TRNP1: variants seen among roughly 807,000 people sequenced by gnomAD.
TRNP1 encodes TMF1 regulated nuclear protein 1, also known as TMF-regulated nuclear protein 1.
Under a neutral mutation model 12.2 loss-of-function variants are expected in TRNP1, and 16 were observed. The observed-to-expected ratio is 1.31, with a 90% confidence interval of 0.89 to 1.99. The LOEUF is 1.99. Among genes scored for constraint, TRNP1 ranks in the 30% most tolerant of loss-of-function variants. The probability of loss-of-function intolerance (pLI) is 0.00; values close to 1 mark genes in which losing one functional copy is unlikely to be tolerated. For missense variants in TRNP1, 338 were observed against 330.4 expected (o/e 1.02, Z -0.18); for synonymous variants, 139 against 166.2 (o/e 0.84, Z 1.26).
Position 26,993,965 on chromosome 1 carries a change from C to G in TRNP1, c.179C>G (p.Ala60Gly). 1 of 1,327,298 alleles carries G rather than the reference C, an allele frequency of 7.5e-7. No homozygotes were observed. The highest frequency in any genetic ancestry group is 2.0e-5 in the South Asian group (1 of 50,272). The allele number at this position is 1,327,298 out of a possible 1,614,324, so 82.2% of individuals were successfully genotyped here. A position where few individuals can be genotyped will look rare whatever the true frequency, so the allele number is the denominator to read the frequency against. Residue 60 changes from alanine (A) to glycine (G), a missense_variant, in exon 1 of 2, where the codon GCT becomes GGT. Physicochemically the swap from Ala to Gly is moderately conservative, Grantham distance 60. Transcript: ENST00000522111. Reference protein sequence around the residue: ...QSPPLPDAAGASAGAAEDQEL... With the variant: ...QSPPLPDAAGGSAGAAEDQEL... ...CCGCCGCTGCCGGACGCAGCTGGGG[C>G]TTCAGCAGGCGCGGCCGAGGACCAG... is the stretch of plus-strand genomic sequence containing the variant.
chr1:26,995,064 C>G (rs544584898), intron 1 of TRNP1, among the ~76,000 whole-genome samples: 7 of 152,246 alleles, frequency 4.6e-5, no homozygotes, highest in Non-Finnish European at 8.8e-5. Context: ...ACTGAATTCC[C>G]CCTCTAGGCC....
At chr1:26,997,907 C>T (rs891247917) in intron 1 of TRNP1, among the ~76,000 whole-genome samples, 3 of 152,114 alleles carry the variant, frequency 2.0e-5, no homozygotes, top group East Asian at 1.9e-4. Context: ...ATCCCTTTGC[C>T]CGGTAGTCCC....
Position 26,994,169 on chromosome 1 carries a change from T to C in TRNP1, c.383T>C (p.Leu128Pro). The stretch of plus-strand genomic sequence containing the variant: ...GTGTCGGAGCTGGAGAGCCGCGTGC[T>C]GCAGCTGCACCGCGTTTTCTTGGCG... ...RLVSELESRV[L>P]QLHRVFLAAE... is the part of the protein sequence containing the mutation. The change falls in exon 1 of 2, where the codon CTG becomes CCG. Residue 128 changes from leucine to proline, a missense_variant. Coordinates refer to ENST00000522111, the MANE Select transcript of TRNP1 (RefSeq NM_001013642.3). The surrounding 1 kb of genome is among the most constrained non-coding windows in gnomAD (Gnocchi z 6.9). The C allele has an allele frequency of 2.3e-6, 3 of 1,296,238 alleles. No homozygotes were observed. The highest frequency in any genetic ancestry group is 2.9e-6 in the Non-Finnish European group (3 of 1,017,216). The allele number at this position is 1,296,238 out of a possible 1,614,324, so 80.3% of individuals were successfully genotyped here. A position where few individuals can be genotyped will look rare whatever the true frequency, so the allele number is the denominator to read the frequency against.
intron 1 of TRNP1, among the ~76,000 whole-genome samples, chr1:26,998,624 C>G (rs558825262): frequency 1.0e-3 from 154 of 152,292 alleles, no homozygotes; most frequent in Middle Eastern, 3.4e-3. Flanking sequence ...CAACCTACTT[C>G]TTCCCCCATT....
At chr1:26,998,002 A>G (rs746876906) in intron 1 of TRNP1, among the ~76,000 whole-genome samples, 3 of 152,116 alleles carry the variant, frequency 2.0e-5, no homozygotes, top group Admixed American at 6.6e-5. Flanking sequence ...GTGGGAGTGT[A>G]GTTCTGGGGA....
At chr1:26,995,808 T>C (rs2082542438) in intron 1 of TRNP1, among the ~76,000 whole-genome samples, 1 of 152,216 alleles carries the variant, frequency 6.6e-6, no homozygotes, top group Admixed American at 6.5e-5. Context: ...TTTTGTATTT[T>C]TGGTAGAGAC....
At chr1:26,996,791 A>AGT (rs3028532) in intron 1 of TRNP1, among the ~76,000 whole-genome samples, 26,149 of 150,776 alleles carry the variant, frequency 0.17, 3,269 homozygotes, top group African/African-American at 0.36. Context: ...GACACTGGCT[A>AGT]GTGTGTGTGT....
intron 1 of TRNP1, among the ~76,000 whole-genome samples, chr1:26,998,863 T>A (rs2082558940): frequency 6.6e-6 from 1 of 152,142 alleles, no homozygotes; most frequent in South Asian, 2.1e-4. Context: ...GAGCTATAAG[T>A]GAGGGATCTC....
intron 1 of TRNP1, among the ~76,000 whole-genome samples, chr1:26,999,299 G>A (rs543198532): frequency 6.6e-6 from 1 of 152,292 alleles, no homozygotes; most frequent in South Asian, 2.1e-4. Context: ...CAGGAGAATC[G>A]CTTGAACCTG....
intron 1 of TRNP1, among the ~76,000 whole-genome samples, chr1:26,998,083 C>T (rs1193879557): frequency 6.6e-6 from 1 of 152,036 alleles, no homozygotes; most frequent in Non-Finnish European, 1.5e-5. Flanking sequence ...GGCGGGAACC[C>T]TCTTTGAAAG....
chr1:26,998,904 A>T (rs888359188), intron 1 of TRNP1, among the ~76,000 whole-genome samples: 1 of 152,226 alleles, frequency 6.6e-6, no homozygotes, highest in Non-Finnish European at 1.5e-5. Flanking sequence ...TGATTCATTT[A>T]TCAGGCTAAA....
Position 26,993,761 on chromosome 1 carries a change from C to G in TRNP1, c.-26C>G. Reference sequence around the variant, plus strand: ...GTCATCCTCCCTGCGCACCTACAGCCGCAGACCGCCGGTGGGGGGCGGGGG... The same window carrying G: ...GTCATCCTCCCTGCGCACCTACAGCGGCAGACCGCCGGTGGGGGGCGGGGG... On this transcript the variant is annotated 5_prime_UTR_variant, in exon 1 of 2. Coordinates refer to ENST00000522111, the MANE Select transcript of TRNP1 (RefSeq NM_001013642.3). The G allele has an allele frequency of 2.3e-6, 3 of 1,282,198 alleles. No homozygotes were observed. The highest frequency in any genetic ancestry group is 2.9e-6 in the Non-Finnish European group (3 of 1,018,432). 79.4% of individuals were successfully genotyped at this position (1,282,198 alleles called of 1,614,324 possible). A position where few individuals can be genotyped will look rare whatever the true frequency, so the allele number is the denominator to read the frequency against.
Position 26,993,769 on chromosome 1 carries a change from G to A in TRNP1, c.-18G>A. ...CCCTGCGCACCTACAGCCGCAGACC[G>A]CCGGTGGGGGGCGGGGGATGCCGGG... On this transcript the variant is annotated 5_prime_UTR_variant, in exon 1 of 2. Transcript: ENST00000522111. The A allele has an allele frequency of 1.5e-6, 2 of 1,291,968 alleles. No individual in the cohort carries two copies. The highest frequency in any genetic ancestry group is 9.8e-7 in the Non-Finnish European group (1 of 1,020,696). The allele number at this position is 1,291,968 out of a possible 1,614,324, so 80.0% of individuals were successfully genotyped here.
At chr1:26,998,766 A>G (rs1265556441) in intron 1 of TRNP1, among the ~76,000 whole-genome samples, 1 of 152,146 alleles carries the variant, frequency 6.6e-6, no homozygotes, top group Non-Finnish European at 1.5e-5. Flanking sequence ...GGTTCTCCCA[A>G]CCACTCTGCA....
In TRNP1 at chr1:26,994,328, C is replaced by A; in HGVS notation, c.542C>A (p.Pro181His). The A allele has an allele frequency of 9.1e-7, 1 of 1,104,916 alleles. No individual in the cohort carries two copies. Among genetic ancestry groups the A allele is most frequent in the Non-Finnish European group, 1.1e-6 (1 of 907,860 alleles). The allele number at this position is 1,104,916 out of a possible 1,614,324, so 68.4% of individuals were successfully genotyped here. A position where few individuals can be genotyped will look rare whatever the true frequency, so the allele number is the denominator to read the frequency against. The change falls in exon 1 of 2, where the codon CCC (proline) becomes CAC (histidine). Residue 181 changes from proline to histidine, a missense_variant. Pro to His is a moderately conservative substitution (Grantham distance 77). Transcript: ENST00000522111. This position sits in a 1 kb window ranked among gnomAD's most constrained non-coding sequence, Gnocchi z 6.9. ...KGPRRGRRGR[P>H]PALLASALGL... ...CCGCGCCGCGGCCGCCGCGGCCGAC[C>A]CCCCGCGCTGCTGGCCTCGGCGCTG...
chr1:26,998,794 C>A (rs766873171), intron 1 of TRNP1, among the ~76,000 whole-genome samples: 1 of 152,188 alleles, frequency 6.6e-6, no homozygotes, highest in Non-Finnish European at 1.5e-5. Context: ...GGTTATTATT[C>A]CCATTTCCAC....
At position 26,994,131 on chromosome 1, in the gene TRNP1, C is replaced by T. The variant is rs1344892788; in HGVS notation, c.345C>T (p.Gly115=). 2 of 1,238,020 alleles carry T rather than the reference C, an allele frequency of 1.6e-6. No homozygotes were observed. The highest frequency in any genetic ancestry group is 2.0e-6 in the Non-Finnish European group (2 of 988,594). The allele number at this position is 1,238,020 out of a possible 1,614,324, so 76.7% of individuals were successfully genotyped here. A position where few individuals can be genotyped will look rare whatever the true frequency, so the allele number is the denominator to read the frequency against. The change falls in exon 1 of 2, where the codon GGC becomes GGT. Residue 115 remains glycine (G), a synonymous_variant. Transcript: ENST00000522111. This position sits in a 1 kb window ranked among gnomAD's most constrained non-coding sequence, Gnocchi z 6.9. ...GGCGGCGGCTGCTGGAGGTGGAGGG[C>T]CGCCGGCGCCTGGTGTCGGAGCTGG... ...EARRRLLEVE[G]RRRLVSELES...
Position 26,993,805 on chromosome 1 carries a change from A to T in TRNP1, c.19A>T (p.Ser7Cys). ...GCGGGGGATGCCGGGCTGCCGCATC[A>T]GCGCCTGCGGCCCGGGGGCCCAGGA... MPGCRI[S>C]ACGPGAQEGT... The change falls in exon 1 of 2, where the codon AGC becomes TGC. Residue 7 changes from serine (S) to cysteine (C), a missense_variant. Physicochemically the swap from Ser to Cys is moderately radical, Grantham distance 112. Coordinates refer to ENST00000522111, the MANE Select transcript of TRNP1 (RefSeq NM_001013642.3). 1 of 1,321,322 alleles carries T rather than the reference A, an allele frequency of 7.6e-7. No individual in the cohort carries two copies. The highest frequency in any genetic ancestry group is 2.0e-5 in the South Asian group (1 of 50,094). 81.8% of individuals were successfully genotyped at this position (1,321,322 alleles called of 1,614,324 possible). A position where few individuals can be genotyped will look rare whatever the true frequency, so the allele number is the denominator to read the frequency against.
Position 26,994,458 on chromosome 1 carries a change from C to T in TRNP1, c.672C>T (p.Ser224=), listed in dbSNP as rs190664697. Residue 224 remains serine (S), a synonymous_variant, in exon 1 of 2, where the codon TCC becomes TCT. Coordinates refer to ENST00000522111, the MANE Select transcript of TRNP1 (RefSeq NM_001013642.3). The surrounding 1 kb of genome is among the most constrained non-coding windows in gnomAD (Gnocchi z 6.9). ...FRRSPPRGPA[S]PQR is the part of the protein sequence containing the mutation. Reference sequence around the variant, plus strand: ...GCAGCCCGCCCCGCGGCCCCGCCTCCCCGCAGCGCTGACCTCCACGCCCGG... The same window carrying T: ...GCAGCCCGCCCCGCGGCCCCGCCTCTCCGCAGCGCTGACCTCCACGCCCGG... The T allele has an allele frequency of 5.9e-6, 7 of 1,178,168 alleles. No homozygotes were observed. The highest frequency in any genetic ancestry group is 3.7e-5 in the East Asian group (1 of 27,076). The allele number at this position is 1,178,168 out of a possible 1,614,324, so 73.0% of individuals were successfully genotyped here. A position where few individuals can be genotyped will look rare whatever the true frequency, so the allele number is the denominator to read the frequency against.
Sources: allele counts gnomAD v4.1 joint callset (sites outside exome capture counted in the v4.1 genomes callset), GRCh38; gene constraint gnomAD v4.1.1; non-coding constraint Gnocchi (gnomAD v3.1); transcripts MANE v1.5; gene names NCBI Gene and HGNC (gene_info 2026-07-23, HGNC 2026-07-21).